The following OR6N1 variants were observed in gnomAD, a reference collection of about 807,000 sequenced individuals.
The protein encoded by OR6N1 is olfactory receptor family 6 subfamily N member 1, also known as olfactory receptor 6N1.
For missense variants in OR6N1, 394 were observed against 371.7 expected (o/e 1.06, Z -0.49); for synonymous variants, 170 against 150.7 (o/e 1.13, Z -0.94).
the OR6N1 span, among the ~76,000 whole-genome samples, chr1:158,798,280 C>T: frequency 6.6e-6 from 1 of 150,948 alleles, no homozygotes; most frequent in Non-Finnish European, 1.5e-5. Flanking sequence ...CTTACACTTT[C>T]TTTTTTTGCC....
At chr1:158,830,183 C>T in the OR6N1 span, among the ~76,000 whole-genome samples, 1 of 152,122 alleles carries the variant, frequency 6.6e-6, no homozygotes, top group African/African-American at 2.4e-5. Flanking sequence ...AAGTGGGGCA[C>T]CTGATAAGGT....
At chr1:158,770,004 T>A (rs901397035) in intron 1 of OR6N1, among the ~76,000 whole-genome samples, 4 of 152,188 alleles carry the variant, frequency 2.6e-5, no homozygotes, top group Non-Finnish European at 4.4e-5. Flanking sequence ...TTTCTAGATG[T>A]TCTATATTCC....
At chr1:158,800,723 A>G in the OR6N1 span, among the ~76,000 whole-genome samples, 1 of 152,272 alleles carries the variant, frequency 6.6e-6, no homozygotes, top group East Asian at 1.9e-4. Flanking sequence ...TTGGAAAGAA[A>G]GCATTTCAAC....
At chr1:158,806,700 T>A in the OR6N1 span, among the ~76,000 whole-genome samples, 46 of 152,192 alleles carry the variant, frequency 3.0e-4, no homozygotes, top group African/African-American at 8.7e-4. Flanking sequence ...GTTTTTTTTT[T>A]AAAGGAAAAC....
chr1:158,772,612 A>G (rs184056909), upstream of OR6N1, among the ~76,000 whole-genome samples: 3 of 152,320 alleles, frequency 2.0e-5, no homozygotes, highest in African/African-American at 7.2e-5. Flanking sequence ...CTGGGGACAT[A>G]AATATCATCA....
chr1:158,784,221 C>T, the OR6N1 span, among the ~76,000 whole-genome samples: 3 of 152,198 alleles, frequency 2.0e-5, no homozygotes, highest in South Asian at 2.1e-4. Flanking sequence ...TTTTTCAGAA[C>T]ACTCTGTATT....
chr1:158,776,537 T>C, upstream of OR6N1: 1 of 509,632 alleles, frequency 2.0e-6, no homozygotes, highest in East Asian at 3.1e-5. Context: ...GAAATAAAGA[T>C]GTAGAAAATG....
At chr1:158,832,050 T>C in the OR6N1 span, among the ~76,000 whole-genome samples, 28 of 152,182 alleles carry the variant, frequency 1.8e-4, 1 homozygote, top group Admixed American at 1.8e-3. Context: ...AAAAATAATC[T>C]TTACATTTTC....
chr1:158,807,166 C>T, the OR6N1 span, among the ~76,000 whole-genome samples: 2 of 152,086 alleles, frequency 1.3e-5, no homozygotes, highest in Non-Finnish European at 2.9e-5. Context: ...AGGGTTGAAT[C>T]TGTCTGTCTT....
the OR6N1 span, chr1:158,796,202 G>C: frequency 6.6e-6 from 1 of 152,194 alleles, no homozygotes; most frequent in Non-Finnish European, 1.5e-5. Flanking sequence ...TAGAGTCAAA[G>C]GGACAGCTCA....
At chr1:158,818,626 A>T in the OR6N1 span, among the ~76,000 whole-genome samples, 1 of 152,222 alleles carries the variant, frequency 6.6e-6, no homozygotes, top group Non-Finnish European at 1.5e-5. Context: ...AGGAGAGATC[A>T]GAAGGCATGG....
the OR6N1 span, among the ~76,000 whole-genome samples, chr1:158,780,069 T>G: frequency 6.6e-6 from 1 of 152,240 alleles, no homozygotes; most frequent in African/African-American, 2.4e-5. Context: ...TCCCTTTTGT[T>G]GTCTTCTTAG....
At chr1:158,777,190 C>A, upstream of OR6N1, 1 of 1,613,990 alleles carries the variant, frequency 6.2e-7, no homozygotes. Context: ...GCCACAAGTC[C>A]AACAAGCAGC....
intron 1 of OR6N1, among the ~76,000 whole-genome samples, chr1:158,769,063 A>C (rs1246400787): frequency 6.6e-6 from 1 of 152,190 alleles, no homozygotes. Context: ...TAATATGCAA[A>C]TCTATTAAGA....
At chr1:158,783,859 C>T in the OR6N1 span, among the ~76,000 whole-genome samples, 3 of 152,170 alleles carry the variant, frequency 2.0e-5, no homozygotes, top group African/African-American at 4.8e-5. Flanking sequence ...GTAATCCTAG[C>T]ACTTTGGGAT....
chr1:158,799,633 G>A, the OR6N1 span, among the ~76,000 whole-genome samples: 1 of 152,174 alleles, frequency 6.6e-6, no homozygotes, highest in African/African-American at 2.4e-5. Flanking sequence ...GAGATTTAAT[G>A]AGAAAATAGA....
chr1:158,771,767 G>A (rs1657429850), intron 1 of OR6N1, among the ~76,000 whole-genome samples: 2 of 152,144 alleles, frequency 1.3e-5, no homozygotes, highest in Admixed American at 6.5e-5. Context: ...ATCCAGAAAG[G>A]GGAGAAGACT....
the OR6N1 span, among the ~76,000 whole-genome samples, chr1:158,826,119 G>A: frequency 6.6e-6 from 1 of 151,740 alleles, no homozygotes; most frequent in Non-Finnish European, 1.5e-5. Context: ...CCTACTTGAG[G>A]GTGAAGGTTG....
At chr1:158,818,530 G>C in the OR6N1 span, among the ~76,000 whole-genome samples, 2 of 152,118 alleles carry the variant, frequency 1.3e-5, no homozygotes, top group Non-Finnish European at 2.9e-5. Context: ...GCTTGAGTGG[G>C]GAGGCACTCT....
Sources: allele counts gnomAD v4.1 joint callset (sites outside exome capture counted in the v4.1 genomes callset), GRCh38; gene constraint gnomAD v4.1.1; transcripts MANE v1.5; gene names NCBI Gene and HGNC (gene_info 2026-07-23, HGNC 2026-07-21).